TAMM41: variants seen among roughly 807,000 people sequenced by gnomAD.
TAMM41 encodes the protein phosphatidate cytidylyltransferase, mitochondrial.
Under a neutral mutation model 44.1 loss-of-function variants are expected in TAMM41, and 36 were observed. The observed-to-expected ratio is 0.82, with a 90% CI of 0.63 to 1.08. TAMM41 has a LOEUF of 1.08. Ranked by LOEUF, TAMM41 falls within the 50% of genes least tolerant of loss-of-function variation. The pLI, the probability that TAMM41 is intolerant of heterozygous loss-of-function variation, is 0.00. For missense variants in TAMM41, 417 were observed against 404.3 expected (o/e 1.03, Z -0.27); for synonymous variants, 164 against 153.1 (o/e 1.07, Z -0.53).
At chr3:11,750,135 ATCCGCCCGCCTCGGCC>A in the TAMM41 span, among the ~76,000 whole-genome samples, 1 of 151,858 alleles carries the variant, frequency 6.6e-6, no homozygotes, top group Non-Finnish European at 1.5e-5. Context: ...TGACCTCGTG[ATCCGCCCGCCTCGGCC>A]TCCCAAAGTG....
the TAMM41 span, among the ~76,000 whole-genome samples, chr3:11,750,108 G>T: frequency 6.6e-6 from 1 of 151,966 alleles, no homozygotes. Flanking sequence ...GTGTTAGCCA[G>T]GATGGTCTCG....
At chr3:11,778,082 G>A in the TAMM41 span, among the ~76,000 whole-genome samples, 7 of 152,152 alleles carry the variant, frequency 4.6e-5, no homozygotes, top group Non-Finnish European at 7.4e-5. Context: ...AGGCTCATCC[G>A]TGTCACAGTC....
intron 5 of TAMM41, among the ~76,000 whole-genome samples, chr3:11,812,226 C>T (rs999486895): frequency 6.6e-6 from 1 of 152,172 alleles, no homozygotes; most frequent in Non-Finnish European, 1.5e-5. Context: ...GCCATTCTCT[C>T]CCCCTGGCCA....
chr3:11,767,652 G>GTCTT, the TAMM41 span, among the ~76,000 whole-genome samples: 1 of 9,716 alleles, frequency 1.0e-4, no homozygotes, highest in Non-Finnish European at 3.2e-4. Context: ...TTGAGACAGA[G>GTCTT]TCTTGCTCTT....
chr3:11,770,162 G>A, the TAMM41 span, among the ~76,000 whole-genome samples: 1 of 152,232 alleles, frequency 6.6e-6, no homozygotes, highest in East Asian at 1.9e-4. Flanking sequence ...AGAAGCAGGT[G>A]CCTCTTCTGG....
At chr3:11,746,283 G>A in the TAMM41 span, among the ~76,000 whole-genome samples, 3 of 136,166 alleles carry the variant, frequency 2.2e-5, no homozygotes, top group East Asian at 4.3e-4. Flanking sequence ...CAGCCTGGGC[G>A]ACAGAGTGAG....
chr3:11,782,055 G>A, the TAMM41 span, among the ~76,000 whole-genome samples: 1 of 152,098 alleles, frequency 6.6e-6, no homozygotes, highest in African/African-American at 2.4e-5. Context: ...CATGGCCAGT[G>A]ATGGCTGAAA....
chr3:11,723,608 A>C, the TAMM41 span, among the ~76,000 whole-genome samples: 8 of 152,108 alleles, frequency 5.3e-5, no homozygotes, highest in African/African-American at 9.6e-5. Context: ...AAAACAAAAA[A>C]AAAACTTAAG....
chr3:11,829,671 A>G (rs1161043306), intron 4 of TAMM41, 43 bp downstream of exon 4: 2 of 1,606,300 alleles, frequency 1.2e-6, no homozygotes, highest in East Asian at 2.2e-5. Context: ...CTTCAAATAT[A>G]AATCTCTCCC....
chr3:11,769,014 G>A, the TAMM41 span, among the ~76,000 whole-genome samples: 1 of 152,232 alleles, frequency 6.6e-6, no homozygotes, highest in Admixed American at 6.5e-5. Flanking sequence ...GGCTGAGGAT[G>A]TGAGAGCCGA....
intron 5 of TAMM41, chr3:11,811,668 T>C (rs1372677442): frequency 1.3e-5 from 2 of 152,226 alleles, no homozygotes; most frequent in African/African-American, 2.4e-5. Context: ...ACAATTATTA[T>C]ATGTCAACTT....
chr3:11,765,703 A>T, the TAMM41 span, among the ~76,000 whole-genome samples: 20 of 142,278 alleles, frequency 1.4e-4, no homozygotes, highest in East Asian at 8.1e-4. Flanking sequence ...TGGAGTCAAA[A>T]TTTTTTTTTT....
At chr3:11,776,157 G>T in the TAMM41 span, among the ~76,000 whole-genome samples, 25 of 151,494 alleles carry the variant, frequency 1.7e-4, no homozygotes, top group Admixed American at 1.6e-3. Context: ...GGGACTACAG[G>T]CGCCCGCCAC....
chr3:11,809,096 A>G (rs960205022), intron 6 of TAMM41: 2 of 245,682 alleles, frequency 8.1e-6, no homozygotes, highest in Middle Eastern at 1.5e-3. Flanking sequence ...GTCTGAGGGA[A>G]TGTACTCAAC....
chr3:11,743,019 GC>G, the TAMM41 span, among the ~76,000 whole-genome samples: 9 of 151,946 alleles, frequency 5.9e-5, no homozygotes, highest in South Asian at 8.3e-4. Context: ...GGGAGTGTAG[GC>G]CCCCCCAACC....
At chr3:11,819,804 A>G (rs910711182) in intron 4 of TAMM41, among the ~76,000 whole-genome samples, 32 of 152,150 alleles carry the variant, frequency 2.1e-4, no homozygotes, top group Admixed American at 6.5e-5. Context: ...CAAAGAGACT[A>G]TATAAAAATG....
the TAMM41 span, among the ~76,000 whole-genome samples, chr3:11,778,603 GTTTT>G: frequency 6.6e-6 from 1 of 151,896 alleles, no homozygotes; most frequent in African/African-American, 2.4e-5. Context: ...AATAACACTT[GTTTT>G]TTTGTCCTTT....
At chr3:11,824,110 A>C (rs970622994) in intron 4 of TAMM41, among the ~76,000 whole-genome samples, 3 of 152,038 alleles carry the variant, frequency 2.0e-5, no homozygotes, top group Non-Finnish European at 2.9e-5. Flanking sequence ...TACAGGCGTG[A>C]GCCACTGCGC....
In TAMM41 at chr3:11,846,654, G is replaced by A. The variant is rs1204085653; in HGVS notation, c.-18C>T. The stretch of plus-strand genomic sequence containing the variant: ...AGCGCCATGGGGTCGAGGCTAACAG[G>A]GGACACTCAGCGCAGCAGGGCGAGG... On this transcript the variant is annotated 5_prime_UTR_variant, in exon 1 of 8. Transcript: ENST00000455809. The A allele has an allele frequency of 3.1e-6, 5 of 1,614,098 alleles. No homozygotes were observed. The highest frequency in any genetic ancestry group is 1.6e-4 in the Middle Eastern group (1 of 6,062).
Sources: allele counts gnomAD v4.1 joint callset (sites outside exome capture counted in the v4.1 genomes callset), GRCh38; gene constraint gnomAD v4.1.1; transcripts MANE v1.5; gene names NCBI Gene and HGNC (gene_info 2026-07-23, HGNC 2026-07-21).